Variants in CCDC73 observed in about 807,000 individuals in gnomAD.
CCDC73 encodes the protein coiled-coil domain containing 73, also known as coiled-coil domain-containing protein 73.
Under a neutral mutation model 116.5 loss-of-function variants are expected in CCDC73, and 95 were observed. The observed-to-expected ratio is 0.82, with a 90% CI of 0.69 to 0.97. The LOEUF (loss-of-function observed/expected upper bound fraction) is 0.97. Ranked by LOEUF, CCDC73 falls within the 50% of genes least tolerant of loss-of-function variation. The pLI is 0.00. For synonymous variants in CCDC73, 398 were observed against 401.3 expected (o/e 0.99, Z 0.10); for missense variants, 1,066 against 1,206.8 (o/e 0.88, Z 1.73).
chr11:32,623,529 A>G (rs1276953875), intron 14 of CCDC73, among the ~76,000 whole-genome samples: 1 of 152,044 alleles, frequency 6.6e-6, no homozygotes, highest in East Asian at 1.9e-4. Flanking sequence ...TTTTAAAAAA[A>G]TTTTGTAGAG....
chr11:32,755,187 G>A (rs1160298468), intron 2 of CCDC73, among the ~76,000 whole-genome samples: 1 of 148,250 alleles, frequency 6.7e-6, no homozygotes. Flanking sequence ...CACCCAGTCA[G>A]CTTCGACATT....
chr11:32,787,474 G>A (rs895272167), intron 1 of CCDC73, among the ~76,000 whole-genome samples: 1 of 151,928 alleles, frequency 6.6e-6, no homozygotes, highest in African/African-American at 2.4e-5. Context: ...AAAAATTTTC[G>A]ATTTTTCAGT....
intron 1 of CCDC73, among the ~76,000 whole-genome samples, chr11:32,776,991 A>ATG (rs1249129232): frequency 2.4e-4 from 6 of 24,842 alleles, no homozygotes; most frequent in Non-Finnish European, 4.9e-4. Context: ...ATACACATGT[A>ATG]TATATATATA....
At chr11:32,640,365 G>GA (rs778473891) in intron 13 of CCDC73, among the ~76,000 whole-genome samples, 111 of 152,172 alleles carry the variant, frequency 7.3e-4, no homozygotes, top group Non-Finnish European at 1.3e-3. Context: ...TAGTCTCAGA[G>GA]AAAATGAATG....
At chr11:32,814,186 G>A in the CCDC73 span, among the ~76,000 whole-genome samples, 2 of 152,078 alleles carry the variant, frequency 1.3e-5, no homozygotes, top group Non-Finnish European at 2.9e-5. Flanking sequence ...GCTTTAACCA[G>A]GAGCCTCAAA....
At chr11:32,699,718 C>T (rs941127086) in intron 5 of CCDC73, among the ~76,000 whole-genome samples, 31 of 151,790 alleles carry the variant, frequency 2.0e-4, no homozygotes, top group Non-Finnish European at 3.4e-4. Context: ...CATCACACAC[C>T]GGGGCCTGTT....
At chr11:32,753,151 A>G (rs908530682) in intron 2 of CCDC73, among the ~76,000 whole-genome samples, 2 of 152,160 alleles carry the variant, frequency 1.3e-5, no homozygotes, top group African/African-American at 2.4e-5. Context: ...ATTATCCCGT[A>G]AGAGCTAAGA....
intron 9 of CCDC73, among the ~76,000 whole-genome samples, chr11:32,674,756 C>T (rs1856070449): frequency 6.6e-6 from 1 of 152,136 alleles, no homozygotes; most frequent in Non-Finnish European, 1.5e-5. Context: ...TGAACCAATG[C>T]CTATGGTCAG....
At chr11:32,663,428 T>A (rs1855949659) in intron 9 of CCDC73, among the ~76,000 whole-genome samples, 1 of 152,222 alleles carries the variant, frequency 6.6e-6, no homozygotes, top group Non-Finnish European at 1.5e-5. Context: ...CTAGGTATTT[T>A]ATTCTCTTGC....
intron 15 of CCDC73, 119 bp from the exon 16 acceptor site, chr11:32,615,061 T>A (rs1855462399): frequency 3.4e-6 from 2 of 586,950 alleles, no homozygotes; most frequent in African/African-American, 3.7e-5. Flanking sequence ...TATGGGTCAA[T>A]AATTATACAA....
intron 1 of CCDC73, among the ~76,000 whole-genome samples, chr11:32,769,134 G>A (rs1850470636): frequency 1.3e-5 from 2 of 152,090 alleles, no homozygotes; most frequent in African/African-American, 2.4e-5. Context: ...AGACCACTTT[G>A]GAAAACAGTT....
At chr11:32,710,071 G>T (rs1188161175) in intron 3 of CCDC73, among the ~76,000 whole-genome samples, 2 of 152,066 alleles carry the variant, frequency 1.3e-5, no homozygotes, top group African/African-American at 4.8e-5. Context: ...ATTTCTAGTT[G>T]AGCTTATTTG....
At chr11:32,615,832 A>G in intron 15 of CCDC73, 108 bp downstream of exon 15, 1 of 1,046,496 alleles carries the variant, frequency 9.6e-7, no homozygotes, top group Non-Finnish European at 1.3e-6. Flanking sequence ...ATCCAAAAAG[A>G]CTAGGAATAA....
intron 14 of CCDC73, among the ~76,000 whole-genome samples, chr11:32,626,401 CCAAGG>C (rs1855574248): frequency 6.6e-6 from 1 of 151,796 alleles, no homozygotes; most frequent in Non-Finnish European, 1.5e-5. Flanking sequence ...GCCATACTGC[CCAAGG>C]TAATTTATAG....
chr11:32,614,986 AG>A (rs779292480), intron 15 of CCDC73, 44 bp from the exon 16 acceptor site: 2 of 1,177,496 alleles, frequency 1.7e-6, no homozygotes, highest in Non-Finnish European at 2.4e-6. Flanking sequence ...TATACACTAA[AG>A]GCTGATTTCA....
the CCDC73 span, among the ~76,000 whole-genome samples, chr11:32,829,548 G>A: frequency 2.0e-5 from 3 of 152,172 alleles, no homozygotes; most frequent in Non-Finnish European, 4.4e-5. Flanking sequence ...CCTCGTCCCC[G>A]GACCACCCTT....
At chr11:32,696,384 G>C (rs901465682) in intron 6 of CCDC73, among the ~76,000 whole-genome samples, 2 of 151,956 alleles carry the variant, frequency 1.3e-5, no homozygotes, top group Admixed American at 1.3e-4. Context: ...ATTTTATTAT[G>C]ATCAGGACCT....
intron 14 of CCDC73, among the ~76,000 whole-genome samples, chr11:32,628,134 T>G (rs900455835): frequency 3.9e-5 from 6 of 152,118 alleles, no homozygotes; most frequent in African/African-American, 1.2e-4. Context: ...CTAGATACAG[T>G]GTATGAAACA....
At chr11:32,826,256 C>T in the CCDC73 span, among the ~76,000 whole-genome samples, 3 of 152,116 alleles carry the variant, frequency 2.0e-5, no homozygotes, top group African/African-American at 7.2e-5. Context: ...CTGAGATAAA[C>T]TAAAACAGCA....
Sources: gnomAD v4.1 joint callset for allele counts (sites outside exome capture counted in the v4.1 genomes callset) on GRCh38, gnomAD v4.1.1 for gene constraint, MANE v1.5 for transcripts, NCBI Gene and HGNC (gene_info 2026-07-23, HGNC 2026-07-21) for gene names.